Variants in SLC24A3 observed in about 807,000 individuals in gnomAD.
SLC24A3 encodes sodium/potassium/calcium exchanger 3.
Under a neutral mutation model 75.8 loss-of-function variants are expected in SLC24A3, and 28 were observed. The ratio of observed to expected loss-of-function variants is 0.37; its 90% CI spans 0.27 to 0.51. SLC24A3 has a LOEUF of 0.51. Among genes scored for constraint, SLC24A3 ranks in the 20% least tolerant of loss-of-function variants. The probability of loss-of-function intolerance (pLI) is 0.94; values close to 1 mark genes in which losing one functional copy is unlikely to be tolerated. For synonymous variants in SLC24A3, 372 were observed against 334.1 expected (o/e 1.11, Z -1.24); for missense variants, 663 against 847.8 (o/e 0.78, Z 2.71).
At chr20:19,637,392 T>C (rs548837915) in intron 6 of SLC24A3, among the ~76,000 whole-genome samples, 1 of 152,336 alleles carries the variant, frequency 6.6e-6, no homozygotes, top group South Asian at 2.1e-4. Context: ...ATTGATATGG[T>C]GATGACCAAA....
chr20:19,271,632 A>G (rs1223825152), intron 1 of SLC24A3, among the ~76,000 whole-genome samples: 1 of 152,272 alleles, frequency 6.6e-6, no homozygotes, highest in Non-Finnish European at 1.5e-5. Flanking sequence ...TATGGTATAT[A>G]TGCACCACAG....
At position 19,680,482 on chromosome 20, in the gene SLC24A3, T is replaced by G. The variant is rs6046241; in HGVS notation, c.768-1376T>G. On this transcript the variant is annotated intron_variant, in intron 9 of 16. Transcript: ENST00000328041. The stretch of plus-strand genomic sequence containing the variant: ...GTTCCATCACCAGGAGGCATGGTGA[T>G]GTCTGCCTTTCTCTGTCTGTAGTGT... 2.0e-3 allele frequency among the ~76,000 whole-genome samples: 300 copies of G among 152,228 alleles called. 3 individuals carry two copies. The highest frequency in any genetic ancestry group is 7.0e-3 in the African/African-American group (289 of 41,526).
At chr20:19,693,174 C>G in intron 12 of SLC24A3, 85 bp from the exon 13 acceptor site, 14 of 1,406,682 alleles carry the variant, frequency 1.0e-5, no homozygotes, top group Non-Finnish European at 1.3e-5. Flanking sequence ...GCAGTACAGA[C>G]ACTTGGCAGA....
chr20:19,666,516 A>C (rs1321933614), intron 8 of SLC24A3, among the ~76,000 whole-genome samples: 4 of 149,270 alleles, frequency 2.7e-5, no homozygotes, highest in African/African-American at 5.0e-5. Flanking sequence ...CCACCCCCCA[A>C]AAAAAAAATT....
At chr20:19,403,997 C>T (rs1986598465) in intron 2 of SLC24A3, among the ~76,000 whole-genome samples, 1 of 152,176 alleles carries the variant, frequency 6.6e-6, no homozygotes, top group South Asian at 2.1e-4. Context: ...GAAGTGCCTT[C>T]GCTAAGCTTT....
chr20:19,499,626 T>C lies in SLC24A3; in HGVS notation c.272-15862T>C. On this transcript the variant is annotated intron_variant, in intron 2 of 16. Transcript: ENST00000328041. ...GGATACTAATCTTATTTGTGAGGGC[T>C]CCACCCTCATGACCTAATTACCTCC... Among the ~76,000 whole-genome samples the C allele has an allele frequency of 1.3e-5, 2 of 152,146 alleles. 1 individual carries two copies. Among genetic ancestry groups the C allele is most frequent in the Non-Finnish European group, 2.9e-5 (2 of 68,024 alleles).
intron 2 of SLC24A3, among the ~76,000 whole-genome samples, chr20:19,294,424 T>A (rs1209160252): frequency 6.6e-6 from 1 of 152,210 alleles, no homozygotes; most frequent in East Asian, 1.9e-4. Context: ...TTTATCCTGA[T>A]GCTCTTTCTC....
chr20:19,534,691 C>A (rs2030365370), intron 3 of SLC24A3, among the ~76,000 whole-genome samples: 1 of 152,210 alleles, frequency 6.6e-6, no homozygotes, highest in South Asian at 2.1e-4. Flanking sequence ...AGGCCTGAGC[C>A]ACCATGCCTG....
intron 6 of SLC24A3, among the ~76,000 whole-genome samples, chr20:19,640,852 A>T (rs9679937): frequency 0.062 from 9,514 of 152,288 alleles, 341 homozygotes; most frequent in Middle Eastern, 0.14. Context: ...ATTGATAAAA[A>T]CTTAATTTAT....
At chr20:19,387,601 T>A (rs1480540942) in intron 2 of SLC24A3, among the ~76,000 whole-genome samples, 1 of 152,266 alleles carries the variant, frequency 6.6e-6, no homozygotes, top group Non-Finnish European at 1.5e-5. Context: ...AGAAGTGTGC[T>A]GTTTAATTCC....
intron 2 of SLC24A3, among the ~76,000 whole-genome samples, chr20:19,434,280 C>T (rs1450733356): frequency 6.6e-6 from 1 of 152,212 alleles, no homozygotes; most frequent in Non-Finnish European, 1.5e-5. Flanking sequence ...ACCTGGCATC[C>T]ATCAGCCCCT....
At chr20:19,466,277 T>C (rs1005533733) in intron 2 of SLC24A3, among the ~76,000 whole-genome samples, 1 of 152,230 alleles carries the variant, frequency 6.6e-6, no homozygotes, top group Non-Finnish European at 1.5e-5. Flanking sequence ...CCACACCGTC[T>C]GATTGCCACA....
intron 2 of SLC24A3, among the ~76,000 whole-genome samples, chr20:19,310,165 G>A (rs1273825240): frequency 1.3e-5 from 2 of 152,132 alleles, no homozygotes; most frequent in African/African-American, 4.8e-5. Context: ...TTCTTGAACC[G>A]ATAGACCCTT....
chr20:19,580,198 C>A (rs2031199788), intron 4 of SLC24A3, 124 bp downstream of exon 4: 2 of 700,500 alleles, frequency 2.9e-6, no homozygotes, highest in South Asian at 1.9e-5. Flanking sequence ...GCGGGAACAC[C>A]AGGCATCACC....
chr20:19,448,293 G>A (rs918409055), intron 2 of SLC24A3, among the ~76,000 whole-genome samples: 3 of 152,132 alleles, frequency 2.0e-5, no homozygotes, highest in South Asian at 2.1e-4. Context: ...ACTATGTATC[G>A]GGTACTTATA....
chr20:19,268,283 A>C (rs1018184896), intron 1 of SLC24A3, among the ~76,000 whole-genome samples: 1 of 152,188 alleles, frequency 6.6e-6, no homozygotes, highest in South Asian at 2.1e-4. Flanking sequence ...TTGTGAATTC[A>C]TATTTTAAAT....
chr20:19,306,826 C>T (rs1984344222), intron 2 of SLC24A3, among the ~76,000 whole-genome samples: 1 of 152,152 alleles, frequency 6.6e-6, no homozygotes, highest in Admixed American at 6.5e-5. Context: ...ATGCAATAAA[C>T]CTGCACATGT....
In SLC24A3 at chr20:19,289,805, A is replaced by G. The variant is rs113392517; in HGVS notation, c.271+8718A>G. Among the ~76,000 whole-genome samples, 41 of 152,244 alleles carry G rather than the reference A, an allele frequency of 2.7e-4. 1 individual carries two copies. Among genetic ancestry groups the G allele is most frequent in the Middle Eastern group, 3.4e-3 (1 of 294 alleles). On this transcript the variant is annotated intron_variant, in intron 2 of 16. Coordinates refer to ENST00000328041, the MANE Select transcript of SLC24A3 (RefSeq NM_020689.4). The stretch of plus-strand genomic sequence containing the variant: ...AGGGGACTTGGGGCTCTTTTCTTCA[A>G]TCTCTTACTGAGATTGTTACACAGA...
chr20:19,299,177 C>CGTGTGTGTGTGTGTGTGT (rs761006484), intron 2 of SLC24A3, among the ~76,000 whole-genome samples: 4 of 130,320 alleles, frequency 3.1e-5, no homozygotes, highest in East Asian at 2.6e-4. Context: ...TCTTCCCCTT[C>CGTGTGTGTGTGTGTGTGT]GTGTGTGTGT....
Sources: allele counts gnomAD v4.1 joint callset (sites outside exome capture counted in the v4.1 genomes callset), GRCh38; gene constraint gnomAD v4.1.1; transcripts MANE v1.5; gene names NCBI Gene and HGNC (gene_info 2026-07-23, HGNC 2026-07-21).